Variants in PRMT8 observed in about 807,000 individuals in gnomAD.
PRMT8 encodes protein arginine N-methyltransferase 8.
A neutral mutation model predicts 47.1 loss-of-function variants in PRMT8; 7 were observed. The observed-to-expected ratio is 0.15, with a 90% CI of 0.08 to 0.28. The LOEUF (loss-of-function observed/expected upper bound fraction) is 0.28. Ranked by LOEUF, PRMT8 falls within the 10% of genes least tolerant of loss-of-function variation. The pLI is 1.00. For synonymous variants in PRMT8, 188 were observed against 186.5 expected, an observed-to-expected ratio of 1.01 and a Z score of -0.07; for missense variants, 237 against 505.4, an observed-to-expected ratio of 0.47 and a Z score of 5.09.
At chr12:3,423,491 C>G (rs542077489) in intron 1 of PRMT8, among the ~76,000 whole-genome samples, 140 of 152,306 alleles carry the variant, frequency 9.2e-4, no homozygotes, top group African/African-American at 3.2e-3. Flanking sequence ...GGCCATTTTT[C>G]ATCTTTCCAA....
rs906096344 is a variant in PRMT8, at chr12:3,504,515, G to T, written c.75+12815G>T. Among the ~76,000 whole-genome samples, 2 of 114,258 alleles carry T rather than the reference G, an allele frequency of 1.8e-5. 1 individual carries two copies. Among genetic ancestry groups the T allele is most frequent in the Non-Finnish European group, 4.2e-5 (2 of 48,054 alleles). 75.0% of individuals were successfully genotyped at this position (114,258 alleles called of 152,430 possible). On this transcript the variant is annotated intron_variant, in intron 1 of 9. Transcript: ENST00000382622. ...GGGTGCCTCCCAGTTAGGCTGCTCG[G>T]GGGTCAGGGGTCAGGGACCCACTTG...
chr12:3,590,938 G>A (rs1043584100), intron 8 of PRMT8, among the ~76,000 whole-genome samples: 2 of 152,098 alleles, frequency 1.3e-5, no homozygotes, highest in African/African-American at 2.4e-5. Flanking sequence ...GCAGACAAAC[G>A]GGGATGGGGG....
Position 3,465,722 on chromosome 12 carries a change from G to A in PRMT8, c.49-74884G>A, listed in dbSNP as rs79814241. On this transcript the variant is annotated intron_variant, in intron 1 of 9. Transcript: ENST00000452611. ...TGATTTTTGAAAACGAACTTATAAGGTAATTACATGGGTGGGTTTGAGGAC... is the reference window on the plus strand; with the variant it reads ...TGATTTTTGAAAACGAACTTATAAGATAATTACATGGGTGGGTTTGAGGAC... 9.8e-3 allele frequency among the ~76,000 whole-genome samples: 1,494 copies of A among 152,246 alleles called. 30 individuals carry two copies. Among genetic ancestry groups the A allele is most frequent in the African/African-American group, 0.034 (1,395 of 41,526 alleles).
chr12:3,405,939 G>T (rs1212723416), intron 1 of PRMT8, among the ~76,000 whole-genome samples: 1 of 152,246 alleles, frequency 6.6e-6, no homozygotes, highest in Non-Finnish European at 1.5e-5. Context: ...GGGACTCTGT[G>T]TGGGGGCTGC....
chr12:3,542,119 A>G (rs1160128853), intron 2 of PRMT8, among the ~76,000 whole-genome samples: 1 of 152,200 alleles, frequency 6.6e-6, no homozygotes, highest in African/African-American at 2.4e-5. Flanking sequence ...CTGCAGCCCT[A>G]CATGGAGGTA....
chr12:3,474,289 C>T (rs1352714718), intron 1 of PRMT8, among the ~76,000 whole-genome samples: 2 of 152,216 alleles, frequency 1.3e-5, no homozygotes, highest in African/African-American at 4.8e-5. Context: ...GAGTAAGTTA[C>T]TTAGCCTCTA....
chr12:3,447,155 G>A (rs141019333), intron 1 of PRMT8, among the ~76,000 whole-genome samples: 2 of 152,288 alleles, frequency 1.3e-5, no homozygotes, highest in African/African-American at 4.8e-5. Flanking sequence ...GGAAGGGGAA[G>A]GGGTGGCAGG....
intron 1 of PRMT8, among the ~76,000 whole-genome samples, chr12:3,426,682 T>C (rs865885452): frequency 6.6e-6 from 1 of 152,298 alleles, no homozygotes; most frequent in South Asian, 2.1e-4. Context: ...TGGTCAGCAA[T>C]AGAGTGAGGA....
At chr12:3,536,342 T>A (rs1390084345) in intron 1 of PRMT8, among the ~76,000 whole-genome samples, 1 of 152,212 alleles carries the variant, frequency 6.6e-6, no homozygotes, top group African/African-American at 2.4e-5. Flanking sequence ...CCCCATGACC[T>A]GTGGCTATTG....
intron 1 of PRMT8, among the ~76,000 whole-genome samples, chr12:3,448,384 A>G (rs1213292584): frequency 1.3e-5 from 2 of 152,242 alleles, no homozygotes; most frequent in East Asian, 3.8e-4. Flanking sequence ...TAGTTATTGT[A>G]TTACAAATTT....
chr12:3,591,737 A>G (rs960354655), intron 8 of PRMT8, among the ~76,000 whole-genome samples: 5 of 152,162 alleles, frequency 3.3e-5, no homozygotes, highest in Non-Finnish European at 7.3e-5. Flanking sequence ...AGTACCTGCC[A>G]TATCAGTGGA....
In PRMT8 at chr12:3,491,279, G is replaced by A; in HGVS notation, c.-347G>A. 8.9e-7 allele frequency: 1 copy of A among 1,122,792 alleles called. No individual in the cohort carries two copies. The allele number at this position is 1,122,792 out of a possible 1,614,324, so 69.6% of individuals were successfully genotyped here. A position where few individuals can be genotyped will look rare whatever the true frequency, so the allele number is the denominator to read the frequency against. On this transcript the variant is annotated 5_prime_UTR_variant, in exon 1 of 10. Coordinates refer to ENST00000382622, the MANE Select transcript of PRMT8 (RefSeq NM_019854.5). ...GCCGGCCGGACTTTGCGAGCAGCCT[G>A]GAGAGGATCCGCGACCGCCGCCGCC...
chr12:3,450,839 T>C (rs897271149), intron 1 of PRMT8, among the ~76,000 whole-genome samples: 7 of 152,228 alleles, frequency 4.6e-5, no homozygotes, highest in East Asian at 1.9e-4. Context: ...CCAAGTGAAA[T>C]TGGCTTTCTT....
At chr12:3,542,382 T>C (rs756008136) in intron 2 of PRMT8, among the ~76,000 whole-genome samples, 4 of 152,200 alleles carry the variant, frequency 2.6e-5, no homozygotes, top group African/African-American at 4.8e-5. Context: ...CTCTTACCCC[T>C]TCCTTGACCC....
chr12:3,577,777 T>G (rs946540141), intron 7 of PRMT8, among the ~76,000 whole-genome samples: 1 of 152,172 alleles, frequency 6.6e-6, no homozygotes, highest in African/African-American at 2.4e-5. Context: ...GCCAAAAGAT[T>G]AGACACGCCT....
At chr12:3,577,957 C>T (rs989101717) in intron 7 of PRMT8, among the ~76,000 whole-genome samples, 6 of 152,216 alleles carry the variant, frequency 3.9e-5, no homozygotes, top group African/African-American at 1.4e-4. Flanking sequence ...CCCCATCCTC[C>T]TCCAGAGGTA....
chr12:3,523,879 T>C (rs1405028621), intron 1 of PRMT8, among the ~76,000 whole-genome samples: 1 of 152,260 alleles, frequency 6.6e-6, no homozygotes, highest in Non-Finnish European at 1.5e-5. Flanking sequence ...TGCCTCTCTA[T>C]GCAGGGGCAA....
chr12:3,404,755 A>C (rs1026512480), intron 1 of PRMT8, among the ~76,000 whole-genome samples: 1 of 152,212 alleles, frequency 6.6e-6, no homozygotes, highest in Non-Finnish European at 1.5e-5. Flanking sequence ...CTCTCTCTCT[A>C]TGAGTAGGAA....
At chr12:3,495,372 T>G (rs1865489640) in intron 1 of PRMT8, among the ~76,000 whole-genome samples, 1 of 152,188 alleles carries the variant, frequency 6.6e-6, no homozygotes, top group African/African-American at 2.4e-5. Flanking sequence ...CATCATGCAA[T>G]TCTTGGAAAA....
Sources: allele counts gnomAD v4.1 joint callset (sites outside exome capture counted in the v4.1 genomes callset), GRCh38; gene constraint gnomAD v4.1.1; transcripts MANE v1.5; gene names NCBI Gene and HGNC (gene_info 2026-07-23, HGNC 2026-07-21).